Variants in SUPT20H observed in about 807,000 individuals in gnomAD.
SUPT20H encodes the protein SPT20 homolog, SAGA complex component.
In SUPT20H, 82 loss-of-function variants were observed where a neutral mutation model predicts 122.8. The ratio of observed to expected loss-of-function variants is 0.67; its 90% confidence interval spans 0.56 to 0.80. SUPT20H has a LOEUF of 0.80. Ranked by LOEUF, SUPT20H falls within the 30% of genes least tolerant of loss-of-function variation. SUPT20H has a pLI of 0.00. For synonymous variants in SUPT20H, 291 were observed against 313.0 expected (o/e 0.93, Z 0.74); for missense variants, 831 against 921.6 (o/e 0.90, Z 1.27).
At chr13:37,026,440 G>A (rs982948965) in intron 15 of SUPT20H, among the ~76,000 whole-genome samples, 2 of 152,072 alleles carry the variant, frequency 1.3e-5, no homozygotes, top group African/African-American at 4.8e-5. Flanking sequence ...ATGAAACAAT[G>A]TGAATAATTT....
intron 21 of SUPT20H, 100 bp from the exon 22 acceptor site, chr13:37,019,497 C>A: frequency 1.3e-6 from 1 of 750,552 alleles, no homozygotes; most frequent in Non-Finnish European, 2.1e-6. Context: ...TTTATGTATT[C>A]TCTGCATAGA....
rs766241525 is a variant in SUPT20H, at chr13:37,029,826, T to C, written c.932A>G (p.Tyr311Cys). The change falls in exon 13 of 26, where the codon TAT (tyrosine) becomes TGT (cysteine). Residue 311 changes from tyrosine to cysteine, a missense_variant. By Grantham distance (194) the Tyr-to-Cys change is radical. Coordinates refer to ENST00000350612, the MANE Select transcript of SUPT20H (RefSeq NM_001014286.3). ...AIPSEVDVEK[Y>C]AKVEKSIKSD... ...TTTGATAGACTTTTCCACTTTAGCA[T>C]ATTTCTCCACCTAAACAATCAAATC... The C allele has an allele frequency of 1.1e-5, 17 of 1,597,004 alleles. No individual in the cohort carries two copies. Among genetic ancestry groups the C allele is most frequent in the Non-Finnish European group, 1.4e-5 (17 of 1,172,826 alleles).
rs2065920664 is a variant in SUPT20H, at chr13:37,043,758, C to T, written c.396+320G>A. The stretch of plus-strand genomic sequence containing the variant: ...TCTTCCTTCTCTAATCCTTCCTTCT[C>T]TAATCCTGCAGTGGTACAGGAGGAT... On this transcript the variant is annotated intron_variant, in intron 7 of 25. Coordinates refer to ENST00000350612, the MANE Select transcript of SUPT20H (RefSeq NM_001014286.3). Among the ~76,000 whole-genome samples the T allele has an allele frequency of 7.3e-5, 11 of 151,410 alleles. No individual in the cohort carries two copies. In the South Asian group the frequency reaches 2.3e-3, roughly 32 times the overall value.
chr13:37,031,513 A>G, intron 12 of SUPT20H, 54 bp downstream of exon 12: 1 of 1,245,678 alleles, frequency 8.0e-7, no homozygotes, highest in Non-Finnish European at 1.1e-6. Flanking sequence ...AAGCAACCGA[A>G]TAGTAAAACT....
intron 24 of SUPT20H, among the ~76,000 whole-genome samples, chr13:37,011,030 A>G (rs915374728): frequency 2.0e-5 from 3 of 152,258 alleles, no homozygotes; most frequent in Non-Finnish European, 2.9e-5. Flanking sequence ...TTGTAACAAC[A>G]AAGCTGGTAG....
chr13:37,055,868 T>C (rs911926181), intron 1 of SUPT20H, among the ~76,000 whole-genome samples: 1 of 152,214 alleles, frequency 6.6e-6, no homozygotes, highest in South Asian at 2.1e-4. Flanking sequence ...AATCTACTCA[T>C]CTGACAAAGG....
intron 23 of SUPT20H, chr13:37,013,523 TA>T (rs1766569540): frequency 6.6e-6 from 1 of 151,410 alleles, no homozygotes; most frequent in Non-Finnish European, 1.5e-5. Context: ...TAAGAAACTA[TA>T]AAACTGTTAG....
chr13:37,052,756 T>C (rs2068021246), intron 1 of SUPT20H, among the ~76,000 whole-genome samples: 1 of 152,162 alleles, frequency 6.6e-6, no homozygotes, highest in Admixed American at 6.5e-5. Flanking sequence ...ACCTACAGAA[T>C]GGGCGATAAT....
In SUPT20H at chr13:37,049,668, G is replaced by A. The variant is rs371738048; in HGVS notation, c.4-1069C>T. Among the ~76,000 whole-genome samples, 37 of 152,252 alleles carry A rather than the reference G, an allele frequency of 2.4e-4. 1 individual carries two copies. The South Asian group carries it at 7.3e-3, about 30-fold the overall frequency. On this transcript the variant is annotated intron_variant, in intron 2 of 25. Transcript: ENST00000350612. ...GAAGGAGAATCACTTGAACCCGGGAGGCAGAGGTTGCAGTGAGCCCAGATC... is the reference window on the plus strand; with the variant it reads ...GAAGGAGAATCACTTGAACCCGGGAAGCAGAGGTTGCAGTGAGCCCAGATC...
At chr13:37,054,358 A>T (rs1208269394) in intron 1 of SUPT20H, among the ~76,000 whole-genome samples, 2 of 152,218 alleles carry the variant, frequency 1.3e-5, no homozygotes, top group African/African-American at 2.4e-5. Context: ...ACATCGATGC[A>T]AAAATCCTCA....
Position 37,024,181 on chromosome 13 carries a change from G to T in SUPT20H, c.1445C>A (p.Thr482Lys). The T allele has an allele frequency of 6.2e-7, 1 of 1,611,484 alleles. No homozygotes were observed. The highest frequency in any genetic ancestry group is 8.5e-7 in the Non-Finnish European group (1 of 1,179,022). ...GAGAAAGCTGCTTGTCTGTTGTGGTGTAAAATAGTTACCTAGAAGAACATA... is the reference window on the plus strand; with the variant it reads ...GAGAAAGCTGCTTGTCTGTTGTGGTTTAAAATAGTTACCTAGAAGAACATA... ...SGNSSSGNYFTPQQTSSFLKS... is the reference protein window; with the variant it reads ...SGNSSSGNYFKPQQTSSFLKS... The change falls in exon 19 of 26, where the codon ACA becomes AAA. Residue 482 changes from threonine (T) to lysine (K), a missense_variant. Transcript: ENST00000350612.
rs980396751 is a variant in SUPT20H, at chr13:37,019,270, TATAG to T, written c.1872+68_1872+71del. On this transcript the variant is annotated intron_variant, in intron 22 of 25. Transcript: ENST00000350612. ...CCTCAGAATTTCAAGTGCTGATACA[TATAG>T]ATATACATTGTTTAGAAAAAAAGTC... 7.9e-5 allele frequency: 91 copies of T among 1,147,012 alleles called. No individual in the cohort carries two copies. The African/African-American group carries it at 1.1e-3, about 14-fold the overall frequency. 71.1% of individuals were successfully genotyped at this position (1,147,012 alleles called of 1,614,324 possible).
At chr13:37,021,117 T>G (rs972884426) in intron 21 of SUPT20H, among the ~76,000 whole-genome samples, 4 of 152,336 alleles carry the variant, frequency 2.6e-5, no homozygotes, top group Admixed American at 2.6e-4. Flanking sequence ...TTGCCTCTTG[T>G]ACACAATGTA....
At chr13:37,048,623 T>G in intron 2 of SUPT20H, 24 bp from the exon 3 acceptor site, 6 of 1,587,052 alleles carry the variant, frequency 3.8e-6, no homozygotes, top group Non-Finnish European at 3.4e-6. Context: ...ATAGTATATT[T>G]GGTAATATTA....
At chr13:37,033,865 TAAGCA>T (rs967384268) in intron 9 of SUPT20H, among the ~76,000 whole-genome samples, 5 of 152,250 alleles carry the variant, frequency 3.3e-5, no homozygotes, top group Non-Finnish European at 5.9e-5. Flanking sequence ...AATTTTGCAC[TAAGCA>T]AGGCTATCAG....
intron 9 of SUPT20H, among the ~76,000 whole-genome samples, chr13:37,035,384 G>C (rs1277454638): frequency 1.3e-5 from 2 of 152,110 alleles, no homozygotes; most frequent in Non-Finnish European, 2.9e-5. Context: ...AAGACTTCAG[G>C]ACAAGAAATC....
chr13:37,021,801 G>A (rs2061491033), intron 20 of SUPT20H, among the ~76,000 whole-genome samples, 199 bp from the exon 21 acceptor site: 1 of 152,048 alleles, frequency 6.6e-6, no homozygotes, highest in Non-Finnish European at 1.5e-5. Context: ...AAACAAAAAC[G>A]ATAAGATGAG....
chr13:37,031,222 T>C (rs1426423937), intron 12 of SUPT20H, among the ~76,000 whole-genome samples: 5 of 152,090 alleles, frequency 3.3e-5, no homozygotes, highest in Non-Finnish European at 5.9e-5. Flanking sequence ...TTAGGAAATT[T>C]TGATGAAATA....
intron 24 of SUPT20H, 124 bp from the exon 25 acceptor site, chr13:37,010,779 A>T (rs2059463965): frequency 4.7e-6 from 3 of 636,942 alleles, no homozygotes; most frequent in Non-Finnish European, 8.1e-6. Flanking sequence ...TTAAGTATCA[A>T]ATCATAGACA....
Sources: gnomAD v4.1 joint callset for allele counts (sites outside exome capture counted in the v4.1 genomes callset) on GRCh38, gnomAD v4.1.1 for gene constraint, MANE v1.5 for transcripts, NCBI Gene and HGNC (gene_info 2026-07-23, HGNC 2026-07-21) for gene names.